Variants in UTP14A observed in about 807,000 individuals in gnomAD.
The protein encoded by UTP14A is UTP14A small subunit processome component.
Under a neutral mutation model 57.2 loss-of-function variants are expected in UTP14A, and 5 were observed. The ratio of observed to expected loss-of-function variants is 0.09; its 90% CI spans 0.05 to 0.18. The LOEUF is 0.18. Ranked by LOEUF, UTP14A falls within the 10% of genes least tolerant of loss-of-function variation. UTP14A has a pLI of 1.00. For missense variants in UTP14A, 430 were observed against 562.1 expected (o/e 0.76, Z 2.38); for synonymous variants, 169 against 210.9 (o/e 0.80, Z 1.72).
Position 129,929,584 on chromosome X carries a change from G to A in UTP14A, c.2292G>A (p.Gln764=). Residue 764 remains glutamine, a synonymous_variant, in exon 15 of 15, where the codon CAG becomes CAA. Transcript: ENST00000394422. ...PKRITTRHKK[Q]LKKCSVD ...GAATCACCACACGTCACAAAAAACAGCTGAAGAAATGCTCTGTAGATTGAG... is the reference window on the plus strand; with the variant it reads ...GAATCACCACACGTCACAAAAAACAACTGAAGAAATGCTCTGTAGATTGAG... The A allele has an allele frequency of 8.3e-7, 1 of 1,211,373 alleles. No homozygotes were observed. Among genetic ancestry groups the A allele is most frequent in the Non-Finnish European group, 1.1e-6 (1 of 895,133 alleles).
chrX:129,919,315 T>G, intron 7 of UTP14A, 21 bp downstream of exon 7: 1 of 1,211,405 alleles, frequency 8.3e-7, no homozygotes, highest in Non-Finnish European at 1.1e-6. Flanking sequence ...CATAGGCCCT[T>G]CAGCACACCC....
rs1397881641 is a variant in UTP14A at position 129,913,300 on chromosome X, CTCTT to C, written c.537+1383_537+1386del. On this transcript the variant is annotated intron_variant, in intron 6 of 14. Transcript: ENST00000394422. ...TGTTTTTGCTGAAGTCACTACCATT[CTCTT>C]TCTAGGAGGCTTCCTTTTCTACATG... 2.2e-5 allele frequency: 7 copies of C among 325,567 alleles called. No individual in the cohort carries two copies. In the East Asian group the frequency reaches 3.9e-4, roughly 18 times the overall value. 26.8% of individuals were successfully genotyped at this position (325,567 alleles called of 1,213,427 possible).
rs919255795 is a variant in UTP14A, at chrX:129,908,677, T to C, written c.181T>C (p.Leu61=). The stretch of plus-strand genomic sequence containing the variant: ...CGTTTTGCCTAATTTCAGGCGGAAA[T>C]TGGCTGAGAGGTCTGAGGCTAGTCT... The part of the protein sequence containing the change: ...SSLDGKNRRK[L]AERSEASLKV... The change falls in exon 4 of 15, where the codon TTG becomes CTG. Residue 61 remains leucine, a synonymous_variant. Transcript: ENST00000394422. 1 of 1,210,968 alleles carries C rather than the reference T, an allele frequency of 8.3e-7. No homozygotes were observed. The highest frequency in any genetic ancestry group is 2.2e-5 in the Admixed American group (1 of 45,959).
At chrX:129,918,059 GT>G (rs1428528420) in intron 6 of UTP14A, among the ~76,000 whole-genome samples, 1 of 111,659 alleles carries the variant, frequency 9.0e-6, no homozygotes, top group African/African-American at 3.3e-5. Context: ...TATGTCCTAG[GT>G]ATACCATCAG....
At chrX:129,914,563 A>G (rs1010383086) in intron 6 of UTP14A, among the ~76,000 whole-genome samples, 2 of 110,404 alleles carry the variant, frequency 1.8e-5, no homozygotes, top group East Asian at 5.6e-4. Context: ...AGGAAAAAAA[A>G]AAACCCTCTA....
intron 6 of UTP14A, among the ~76,000 whole-genome samples, chrX:129,918,644 G>A (rs1333852029): frequency 1.8e-5 from 2 of 110,915 alleles, no homozygotes; most frequent in Non-Finnish European, 3.8e-5. Flanking sequence ...TTGGGAGGCC[G>A]AGGCGGGCGG....
chrX:129,921,445 T>C lies in UTP14A; in HGVS notation c.1206T>C (p.His402=). The C allele has an allele frequency of 8.3e-7, 1 of 1,211,778 alleles. No individual in the cohort carries two copies. Among genetic ancestry groups the C allele is most frequent in the Non-Finnish European group, 1.1e-6 (1 of 895,562 alleles). Reference sequence around the variant, plus strand: ...AGCAACTGCCAGAGCTTGAGGCCCATGGAGTTTCTGAAAGTGAGGGAGAAG... The same window carrying C: ...AGCAACTGCCAGAGCTTGAGGCCCACGGAGTTTCTGAAAGTGAGGGAGAAG... ...DPEQLPELEA[H]GVSESEGEER... is the part of the protein sequence containing the mutation. Residue 402 remains histidine (H), a synonymous_variant, in exon 11 of 15, where the codon CAT becomes CAC. Coordinates refer to ENST00000394422, the MANE Select transcript of UTP14A (RefSeq NM_006649.4).
chrX:129,925,531 T>C (rs1178307525), intron 12 of UTP14A, among the ~76,000 whole-genome samples: 1 of 111,356 alleles, frequency 9.0e-6, no homozygotes, highest in African/African-American at 3.3e-5. Context: ...TTCAGTGGGA[T>C]CTCAGATGGT....
chrX:129,922,843 A>G (rs951778867), intron 11 of UTP14A: 1 of 110,661 alleles, frequency 9.0e-6, no homozygotes, highest in African/African-American at 3.3e-5. Context: ...TTTGGGATTA[A>G]TAATTGCAAG....
intron 14 of UTP14A, among the ~76,000 whole-genome samples, chrX:129,928,034 A>G (rs926634551): frequency 9.1e-6 from 1 of 110,168 alleles, no homozygotes; most frequent in Non-Finnish European, 1.9e-5. Context: ...GGAGATGACC[A>G]TTGTCAATAT....
At chrX:129,922,010 T>C (rs1929936046) in intron 11 of UTP14A, 1 of 121,477 alleles carries the variant, frequency 8.2e-6, no homozygotes, top group Non-Finnish European at 1.7e-5. Flanking sequence ...AAACATTGTC[T>C]AGTTGCTGGA....
At chrX:129,911,996 T>G in intron 6 of UTP14A, 75 bp downstream of exon 6, 1 of 1,142,817 alleles carries the variant, frequency 8.8e-7, no homozygotes, top group South Asian at 1.9e-5. Context: ...TTGATTTGAT[T>G]GGACATGTTA....
chrX:129,922,937 G>A (rs924899953), intron 11 of UTP14A: 6 of 111,263 alleles, frequency 5.4e-5, no homozygotes, highest in African/African-American at 2.0e-4. Context: ...GGACCCTAGT[G>A]GCTTTCTCTT....
At chrX:129,928,641 C>A (rs1930200459) in intron 14 of UTP14A, among the ~76,000 whole-genome samples, 1 of 109,830 alleles carries the variant, frequency 9.1e-6, no homozygotes, top group South Asian at 3.9e-4. Flanking sequence ...GTAGTCCCAG[C>A]TACTCGGGAG....
chrX:129,927,500 G>A (rs1930148484), intron 14 of UTP14A, among the ~76,000 whole-genome samples: 1 of 111,460 alleles, frequency 9.0e-6, no homozygotes, highest in South Asian at 3.7e-4. Flanking sequence ...AGAGACTACT[G>A]ATTTTTGTTT....
chrX:129,908,415 C>T (rs756504889), intron 3 of UTP14A: 2 of 408,107 alleles, frequency 4.9e-6, no homozygotes, highest in South Asian at 9.1e-5. Context: ...TCATAAGTTA[C>T]AGGTTCAGGT....
At chrX:129,908,508 C>A in intron 3 of UTP14A, 162 bp from the exon 4 acceptor site, 2 of 525,533 alleles carry the variant, frequency 3.8e-6, no homozygotes, top group South Asian at 6.0e-5. Flanking sequence ...CAACCAAGTC[C>A]AAGTTAGGAA....
At chrX:129,921,646 A>AAG (rs1491382191) in intron 11 of UTP14A, 59 bp downstream of exon 11, 7 of 822,556 alleles carry the variant, frequency 8.5e-6, no homozygotes, top group Middle Eastern at 3.3e-4. Flanking sequence ...ACTATGGGAG[A>AAG]AAAAAAAAAT....
chrX:129,918,608 T>C (rs1929784356), intron 6 of UTP14A, among the ~76,000 whole-genome samples: 1 of 109,684 alleles, frequency 9.1e-6, no homozygotes, highest in Admixed American at 9.7e-5. Flanking sequence ...GCCGGCGCGG[T>C]GGCTCACGCC....
Sources: allele counts gnomAD v4.1 joint callset (sites outside exome capture counted in the v4.1 genomes callset), GRCh38; gene constraint gnomAD v4.1.1; transcripts MANE v1.5; gene names NCBI Gene and HGNC (gene_info 2026-07-23, HGNC 2026-07-21).